EFNA5: variants seen among roughly 807,000 people sequenced by gnomAD.
EFNA5 encodes ephrin-A5.
Under a neutral mutation model 22.9 loss-of-function variants are expected in EFNA5, and 5 were observed. The ratio of observed to expected loss-of-function variants is 0.22; its 90% CI spans 0.11 to 0.46. The LOEUF is 0.46. Ranked by LOEUF, EFNA5 falls within the 20% of genes least tolerant of loss-of-function variation. EFNA5 has a pLI of 0.99. For synonymous variants in EFNA5, 113 were observed against 112.2 expected (o/e 1.01, Z -0.04); for missense variants, 237 against 293.3 (o/e 0.81, Z 1.40).
chr5:107,488,723 GCT>G (rs1259449678), intron 1 of EFNA5, among the ~76,000 whole-genome samples: 1 of 152,014 alleles, frequency 6.6e-6, no homozygotes, highest in East Asian at 1.9e-4. Context: ...ACAGCGTCTT[GCT>G]CTGTCGCCCA....
intron 1 of EFNA5, among the ~76,000 whole-genome samples, chr5:107,560,518 G>T (rs1748512669): frequency 6.6e-6 from 1 of 152,080 alleles, no homozygotes; most frequent in South Asian, 2.1e-4. Context: ...TCTTTCCATT[G>T]AACTACTTGA....
At chr5:107,554,736 AATAACCCT>A (rs1229736100) in intron 1 of EFNA5, among the ~76,000 whole-genome samples, 4 of 152,326 alleles carry the variant, frequency 2.6e-5, no homozygotes, top group Admixed American at 1.3e-4. Flanking sequence ...CACTATCAGT[AATAACCCT>A]ATGGATTAGG....
At chr5:107,609,906 G>A (rs1749794832) in intron 1 of EFNA5, among the ~76,000 whole-genome samples, 1 of 152,184 alleles carries the variant, frequency 6.6e-6, no homozygotes, top group Admixed American at 6.5e-5. Context: ...AAAGGTGGAA[G>A]AGTCTGAATC....
chr5:107,459,555 C>T (rs112117230), intron 1 of EFNA5, among the ~76,000 whole-genome samples: 11 of 152,118 alleles, frequency 7.2e-5, no homozygotes, highest in South Asian at 2.1e-4. Context: ...AGTTCATTAA[C>T]GGCAAAGCTC....
chr5:107,461,613 T>C (rs1036218235), intron 1 of EFNA5, among the ~76,000 whole-genome samples: 1 of 152,172 alleles, frequency 6.6e-6, no homozygotes, highest in Non-Finnish European at 1.5e-5. Context: ...CTAGATCAGC[T>C]TATAGATGCA....
chr5:107,399,177 C>G (rs1258439660), intron 2 of EFNA5, among the ~76,000 whole-genome samples: 1 of 151,848 alleles, frequency 6.6e-6, no homozygotes, highest in Admixed American at 6.6e-5. Context: ...GGAGGCCAGG[C>G]GTGGTGGCTC....
intron 1 of EFNA5, among the ~76,000 whole-genome samples, chr5:107,652,882 A>G (rs1750759685): frequency 6.6e-6 from 1 of 151,838 alleles, no homozygotes; most frequent in African/African-American, 2.4e-5. Context: ...AAATGATTTA[A>G]TTTTCTTTTT....
intron 2 of EFNA5, among the ~76,000 whole-genome samples, chr5:107,411,248 G>A (rs150835554): frequency 3.3e-4 from 51 of 152,288 alleles, no homozygotes; most frequent in African/African-American, 1.2e-3. Flanking sequence ...CTGTTCATCA[G>A]TGAAATACAC....
chr5:107,422,555 G>A (rs1165641188), intron 2 of EFNA5, among the ~76,000 whole-genome samples: 1 of 152,198 alleles, frequency 6.6e-6, no homozygotes, highest in African/African-American at 2.4e-5. Context: ...TGGGGCAATG[G>A]GAAGCCCAGG....
intron 1 of EFNA5, among the ~76,000 whole-genome samples, chr5:107,468,375 G>GTT (rs1368466653): frequency 1.3e-5 from 2 of 152,142 alleles, no homozygotes; most frequent in Admixed American, 1.3e-4. Flanking sequence ...GGAAGGGAAG[G>GTT]GTGTTTATAA....
rs544413815 is a variant in EFNA5, at chr5:107,437,249, G to T, written c.126-9740C>A. Among the ~76,000 whole-genome samples the T allele has an allele frequency of 5.3e-5, 8 of 152,242 alleles. No homozygotes were observed. In the South Asian group the frequency reaches 6.2e-4, roughly 12 times the overall value. ...ATCAGACAAGGGGAAGCATATATTTGGTAATGCTAGGGCATGATAATAATA... is the reference window on the plus strand; with the variant it reads ...ATCAGACAAGGGGAAGCATATATTTTGTAATGCTAGGGCATGATAATAATA... On this transcript the variant is annotated intron_variant, in intron 1 of 4. Coordinates refer to ENST00000333274, the MANE Select transcript of EFNA5 (RefSeq NM_001962.3).
At chr5:107,582,355 T>C (rs918843812) in intron 1 of EFNA5, among the ~76,000 whole-genome samples, 1 of 152,200 alleles carries the variant, frequency 6.6e-6, no homozygotes, top group Non-Finnish European at 1.5e-5. Context: ...TTAAGTTCAT[T>C]TGGGGCTGAG....
At chr5:107,483,279 C>T (rs1437682615) in intron 1 of EFNA5, among the ~76,000 whole-genome samples, 1 of 152,126 alleles carries the variant, frequency 6.6e-6, no homozygotes, top group Non-Finnish European at 1.5e-5. Flanking sequence ...CAATGGTCTA[C>T]CAGATCCACC....
intron 1 of EFNA5, among the ~76,000 whole-genome samples, chr5:107,492,263 AT>A (rs1222808655): frequency 3.3e-5 from 5 of 152,364 alleles, no homozygotes; most frequent in South Asian, 2.1e-4. Context: ...TTTAAAAAAA[AT>A]ATTCAAAATA....
At chr5:107,536,733 T>G (rs1034363860) in intron 1 of EFNA5, among the ~76,000 whole-genome samples, 1 of 152,160 alleles carries the variant, frequency 6.6e-6, no homozygotes, top group Admixed American at 6.5e-5. Flanking sequence ...GCACTGACAA[T>G]AATTCAAAAC....
chr5:107,515,580 G>A (rs1580506928), intron 1 of EFNA5, among the ~76,000 whole-genome samples: 1 of 151,838 alleles, frequency 6.6e-6, no homozygotes, highest in East Asian at 2.0e-4. Flanking sequence ...GTTTCTCCAT[G>A]TTGGTCAGGC....
intron 1 of EFNA5, among the ~76,000 whole-genome samples, chr5:107,501,978 C>A (rs1456541201): frequency 2.0e-5 from 3 of 152,204 alleles, no homozygotes; most frequent in Non-Finnish European, 4.4e-5. Flanking sequence ...GAGCCCTCCT[C>A]CCTTTAAAAG....
intron 1 of EFNA5, among the ~76,000 whole-genome samples, chr5:107,489,056 CAAAAT>C (rs1045714147): frequency 6.6e-6 from 1 of 152,012 alleles, no homozygotes; most frequent in Non-Finnish European, 1.5e-5. Flanking sequence ...TTATACCTCC[CAAAAT>C]AAAATATGGA....
intron 1 of EFNA5, among the ~76,000 whole-genome samples, chr5:107,476,423 T>C (rs905859141): frequency 6.6e-6 from 1 of 152,072 alleles, no homozygotes; most frequent in Non-Finnish European, 1.5e-5. Context: ...CCTTTACACA[T>C]CTGTATTTTC....
Sources: gnomAD v4.1 joint callset for allele counts (sites outside exome capture counted in the v4.1 genomes callset) on GRCh38, gnomAD v4.1.1 for gene constraint, MANE v1.5 for transcripts, NCBI Gene and HGNC (gene_info 2026-07-23, HGNC 2026-07-21) for gene names.